CDHR3: variants seen among roughly 807,000 people sequenced by gnomAD.
CDHR3 encodes cadherin-related family member 3.
In CDHR3, 79 loss-of-function variants were observed where a neutral mutation model predicts 86.6. The observed-to-expected ratio is 0.91, with a 90% CI of 0.76 to 1.10. The LOEUF (loss-of-function observed/expected upper bound fraction) is 1.10, where lower values mean the gene tolerates loss of function less well. Among genes scored for constraint, CDHR3 ranks in the 50% least tolerant of loss-of-function variants. The probability of loss-of-function intolerance (pLI) is 0.00; values close to 1 mark genes in which losing one functional copy is unlikely to be tolerated. For missense variants in CDHR3, 1,081 were observed against 1,077.6 expected, an observed-to-expected ratio of 1.00 and a Z score of -0.04; for synonymous variants, 421 against 402.4, an observed-to-expected ratio of 1.05 and a Z score of -0.55.
Position 106,017,993 on chromosome 7 carries a change from C to T in CDHR3, c.1574C>T (p.Thr525Ile), listed in dbSNP as rs771967113. 4.9e-5 allele frequency: 79 copies of T among 1,613,926 alleles called. No homozygotes were observed. Among genetic ancestry groups the T allele is most frequent in the Non-Finnish European group, 6.4e-5 (76 of 1,179,876 alleles). Residue 525 changes from threonine (T) to isoleucine (I), a missense_variant, in exon 12 of 19, where the codon ACT (threonine) becomes ATT (isoleucine). By Grantham distance (89) the Thr-to-Ile change is moderately conservative (BLOSUM62 -1). Coordinates refer to ENST00000317716, the MANE Select transcript of CDHR3 (RefSeq NM_152750.5). ...NPKTGELQLV[T>I]KVDCETTPIY... ...AAGACAGGAGAACTCCAGCTGGTAA[C>T]TAAAGTGGACTGTGAAACAACCCCC...
intron 11 of CDHR3, among the ~76,000 whole-genome samples, chr7:106,016,895 A>G (rs1835716642): frequency 6.6e-6 from 1 of 152,198 alleles, no homozygotes. Flanking sequence ...CTTTTTGATC[A>G]CCTACTTTGG....
At chr7:106,010,807 A>G (rs1010926778) in intron 8 of CDHR3, among the ~76,000 whole-genome samples, 1 of 152,246 alleles carries the variant, frequency 6.6e-6, no homozygotes, top group Non-Finnish European at 1.5e-5. Flanking sequence ...AAGGCTGGGC[A>G]AGTCATCAGA....
intron 12 of CDHR3, 23 bp from the exon 13 acceptor site, chr7:106,020,350 T>C: frequency 6.4e-7 from 1 of 1,572,454 alleles, no homozygotes; most frequent in South Asian, 1.2e-5. Context: ...CTATTGAGAA[T>C]GACCACCTTC....
At chr7:106,024,597 C>T in intron 15 of CDHR3, 35 bp downstream of exon 15, 3 of 1,596,796 alleles carry the variant, frequency 1.9e-6, no homozygotes, top group Non-Finnish European at 2.6e-6. Context: ...TCTTCCCCAC[C>T]TCCTTTAGGA....
At chr7:105,996,467 T>C in intron 6 of CDHR3, 113 bp downstream of exon 6, 1 of 574,554 alleles carries the variant, frequency 1.7e-6, no homozygotes, top group Non-Finnish European at 3.1e-6. Context: ...TGCTGTGGCC[T>C]GCAGGAAAGA....
At position 106,022,302 on chromosome 7, in the gene CDHR3, T is replaced by G; in HGVS notation, c.1930T>G (p.Trp644Gly). 6.2e-7 allele frequency: 1 copy of G among 1,614,072 alleles called. No individual in the cohort carries two copies. The change falls in exon 14 of 19, where the codon TGG (tryptophan) becomes GGG (glycine). Residue 644 changes from tryptophan to glycine, a missense_variant. Trp to Gly is a radical substitution (Grantham distance 184). Transcript: ENST00000317716. ...CTATGCTGGTGGGTTTGATAAGATCTGGGACTACAAGCTACTTGTCTACGT... is the reference window on the plus strand; with the variant it reads ...CTATGCTGGTGGGTTTGATAAGATCGGGGACTACAAGCTACTTGTCTACGT... ...FDYAGGFDKI[W>G]DYKLLVYVTD...
chr7:106,028,439 C>T, intron 16 of CDHR3, 112 bp from the exon 17 acceptor site: 1 of 1,164,892 alleles, frequency 8.6e-7, no homozygotes, highest in East Asian at 2.5e-5. Context: ...TTTGCTGTGT[C>T]TGCAAGACTG....
intron 2 of CDHR3, among the ~76,000 whole-genome samples, chr7:105,977,813 C>T (rs1361683768): frequency 1.3e-5 from 2 of 152,138 alleles, no homozygotes; most frequent in Non-Finnish European, 2.9e-5. Context: ...GGGTAAACTC[C>T]AAATCATGCA....
chr7:106,006,830 G>A (rs1834005347), intron 8 of CDHR3, among the ~76,000 whole-genome samples: 3 of 152,182 alleles, frequency 2.0e-5, no homozygotes, highest in South Asian at 2.1e-4. Flanking sequence ...TCTTCTCACA[G>A]CTCCACTAGG....
rs1365707046 is a variant in CDHR3 at position 106,022,196 on chromosome 7, A to G, written c.1826-2A>G. On this transcript the variant is annotated splice_acceptor_variant, in intron 13 of 18. Coordinates refer to ENST00000317716, the MANE Select transcript of CDHR3 (RefSeq NM_152750.5). LOFTEE classifies it high-confidence loss of function. ...AACACCCCTGCATCAAATCTCATTT[A>G]GGTAACGTCAACAATCATTTCACCT... The G allele has an allele frequency of 6.2e-7, 1 of 1,613,824 alleles. No homozygotes were observed. Among genetic ancestry groups the G allele is most frequent in the African/African-American group, 1.3e-5 (1 of 74,936 alleles).
In CDHR3 at chr7:106,032,475, A is replaced by G. The variant is rs771604561; in HGVS notation, c.2436A>G (p.Lys812=). 3 of 1,613,858 alleles carry G rather than the reference A, an allele frequency of 1.9e-6. No individual in the cohort carries two copies. ...CACTAACCCAAATGCCAAAATGGAA[A>G]GAGTCCAGCCACCAGGGAGCTGCCC... The part of the protein sequence containing the change: ...KDPLTQMPKW[K]ESSHQGAAPR... Residue 812 remains lysine, a synonymous_variant, in exon 19 of 19, where the codon AAA becomes AAG. Coordinates refer to ENST00000317716, the MANE Select transcript of CDHR3 (RefSeq NM_152750.5).
At chr7:105,993,965 A>G (rs1013588042) in intron 4 of CDHR3, among the ~76,000 whole-genome samples, 1 of 152,144 alleles carries the variant, frequency 6.6e-6, no homozygotes, top group African/African-American at 2.4e-5. Flanking sequence ...CAACTACCCA[A>G]AGATGTAGGA....
chr7:105,964,594 GGC>G (rs1266592134), intron 1 of CDHR3, among the ~76,000 whole-genome samples: 1 of 151,372 alleles, frequency 6.6e-6, no homozygotes, highest in Admixed American at 6.6e-5. Context: ...TTAAGGAGGT[GGC>G]TTTTATTCTT....
chr7:105,980,585 GTTTT>G lies in CDHR3; in HGVS notation c.250-366_250-363del, dbSNP rs56057580. 7.2e-3 allele frequency among the ~76,000 whole-genome samples: 757 copies of G among 105,496 alleles called. 56 individuals are homozygous for G. Among genetic ancestry groups the G allele is most frequent in the Non-Finnish European group, 6.7e-3 (366 of 54,368 alleles). 69.2% of individuals were successfully genotyped at this position (105,496 alleles called of 152,430 possible). On this transcript the variant is annotated intron_variant, in intron 2 of 18. Coordinates refer to ENST00000317716, the MANE Select transcript of CDHR3 (RefSeq NM_152750.5). ...GGAGCCTACCCCCAAGTAGTGGAAG[GTTTT>G]TTTTTTTTTTTTTTTTAATTTTTTT...
chr7:105,969,005 A>G (rs373670569), intron 1 of CDHR3, among the ~76,000 whole-genome samples: 12 of 147,848 alleles, frequency 8.1e-5, no homozygotes, highest in South Asian at 4.4e-4. Flanking sequence ...GGAGAATGGC[A>G]TGTACCCGGG....
chr7:105,986,429 C>T (rs1016063501), intron 4 of CDHR3, among the ~76,000 whole-genome samples: 2 of 152,250 alleles, frequency 1.3e-5, no homozygotes, highest in East Asian at 1.9e-4. Context: ...GACATTCATG[C>T]GTAGGGGAGA....
chr7:105,987,761 C>T (rs1360956923), intron 4 of CDHR3, among the ~76,000 whole-genome samples: 1 of 152,212 alleles, frequency 6.6e-6, no homozygotes, highest in Non-Finnish European at 1.5e-5. Context: ...GCCACATCAT[C>T]TCCCAAAATT....
intron 10 of CDHR3, among the ~76,000 whole-genome samples, chr7:106,015,423 T>G (rs1835457599): frequency 6.6e-6 from 1 of 152,084 alleles, no homozygotes; most frequent in Non-Finnish European, 1.5e-5. Flanking sequence ...GGTTAAAGCC[T>G]TCGAGCATCT....
At chr7:106,012,528 G>A (rs972296282) in intron 8 of CDHR3, among the ~76,000 whole-genome samples, 8 of 152,092 alleles carry the variant, frequency 5.3e-5, no homozygotes, top group Admixed American at 1.3e-4. Context: ...AGTGGGAGAC[G>A]AGTTCAGAGA....
Sources: gnomAD v4.1 joint callset for allele counts (sites outside exome capture counted in the v4.1 genomes callset) on GRCh38, gnomAD v4.1.1 for gene constraint, MANE v1.5 for transcripts, NCBI Gene and HGNC (gene_info 2026-07-23, HGNC 2026-07-21) for gene names.